NBEAL1: variants seen among roughly 807,000 people sequenced by gnomAD.
NBEAL1 encodes neurobeachin-like protein 1.
Under a neutral mutation model 351.3 loss-of-function variants are expected in NBEAL1, and 273 were observed. The ratio of observed to expected loss-of-function variants is 0.78; its 90% CI spans 0.70 to 0.86. The LOEUF (loss-of-function observed/expected upper bound fraction) is 0.86, where lower values mean the gene tolerates loss of function less well. NBEAL1 is among the 40% of genes least tolerant of loss of function. The pLI is 0.00. For missense variants in NBEAL1, 2,961 were observed against 3,201.3 expected (o/e 0.92, Z 1.81); for synonymous variants, 1,050 against 1,086.4 (o/e 0.97, Z 0.66).
chr2:203,126,893 A>G lies in NBEAL1; in HGVS notation c.3215A>G (p.Gln1072Arg). The G allele has an allele frequency of 1.3e-6, 2 of 1,552,196 alleles. No homozygotes were observed. The highest frequency in any genetic ancestry group is 1.7e-6 in the Non-Finnish European group (2 of 1,146,672). The change falls in exon 23 of 56, where the codon CAG becomes CGG. Residue 1072 changes from glutamine to arginine, a missense_variant. Gln to Arg is a conservative substitution (Grantham distance 43, BLOSUM62 1). Coordinates refer to ENST00000683969, the MANE Select transcript of NBEAL1 (RefSeq NM_001378026.1). ...GTTTTCCGAAAGAAGTATGGTGTGC[A>G]GTTTCTCCTAGATACACTTAGGATT... ...RRVFRKKYGV[Q>R]FLLDTLRIYY...
At chr2:203,048,113 G>T (rs2061260390) in intron 3 of NBEAL1, among the ~76,000 whole-genome samples, 1 of 151,992 alleles carries the variant, frequency 6.6e-6, no homozygotes, top group Non-Finnish European at 1.5e-5. Context: ...AGATATCCAT[G>T]CTTTGAGCTG....
chr2:203,170,815 C>T (rs1179322591), intron 39 of NBEAL1, among the ~76,000 whole-genome samples: 1 of 152,176 alleles, frequency 6.6e-6, no homozygotes, highest in Admixed American at 6.6e-5. Context: ...CACTCAAGAA[C>T]AATTGGGCTA....
intron 3 of NBEAL1, among the ~76,000 whole-genome samples, chr2:203,044,486 A>G (rs909064905): frequency 5.3e-5 from 8 of 152,192 alleles, no homozygotes; most frequent in African/African-American, 1.9e-4. Context: ...AGTTGTTATC[A>G]TCCATACATT....
Position 203,135,795 on chromosome 2 carries a change from T to C in NBEAL1, c.3932T>C (p.Leu1311Pro). The change falls in exon 28 of 56, where the codon CTT (leucine) becomes CCT (proline). Residue 1311 changes from leucine to proline, a missense_variant. Coordinates refer to ENST00000683969, the MANE Select transcript of NBEAL1 (RefSeq NM_001378026.1). ...GCAAAATTTGAAAACGGAAATACTC[T>C]TCATAAGCACAGTAGAGCTGTTTTA... ...LKAKFENGNT[L>P]HKHSRAVLMK... 1 of 1,612,866 alleles carries C rather than the reference T, an allele frequency of 6.2e-7. No individual in the cohort carries two copies. Among genetic ancestry groups the C allele is most frequent in the Non-Finnish European group, 8.5e-7 (1 of 1,179,366 alleles).
intron 41 of NBEAL1, among the ~76,000 whole-genome samples, chr2:203,174,008 T>C (rs1359045948): frequency 1.3e-5 from 2 of 152,016 alleles, no homozygotes; most frequent in Non-Finnish European, 2.9e-5. Flanking sequence ...CAATTATGCA[T>C]GTATCAGTGA....
chr2:203,219,083 T>C lies in NBEAL1; in HGVS notation c.*1729T>C, dbSNP rs2065926647. On this transcript the variant is annotated 3_prime_UTR_variant, in exon 56 of 56. Transcript: ENST00000683969. ...ATCTATTCATTTATTTTATTCTTTT[T>C]TGGGGTGATGGGAGGTTTCAATCCA... is the stretch of plus-strand genomic sequence containing the variant. 1 of 152,172 alleles carries C rather than the reference T, an allele frequency of 6.6e-6. No homozygotes were observed. The highest frequency in any genetic ancestry group is 6.5e-5 in the Admixed American group (1 of 15,282). 9.4% of individuals were successfully genotyped at this position (152,172 alleles called of 1,614,324 possible).
intron 10 of NBEAL1, among the ~76,000 whole-genome samples, chr2:203,090,806 T>C (rs2062049060): frequency 6.6e-6 from 1 of 152,036 alleles, no homozygotes; most frequent in Non-Finnish European, 1.5e-5. Context: ...AGAGAATTGC[T>C]TGAACCCCGG....
intron 31 of NBEAL1, among the ~76,000 whole-genome samples, chr2:203,142,725 C>CA (rs1215522033): frequency 4.0e-5 from 6 of 150,764 alleles, no homozygotes; most frequent in Non-Finnish European, 5.9e-5. Flanking sequence ...AAACACATAC[C>CA]AAAAAAAAGC....
chr2:203,204,412 C>T (rs564598312), intron 51 of NBEAL1, among the ~76,000 whole-genome samples: 2 of 149,464 alleles, frequency 1.3e-5, no homozygotes, highest in East Asian at 3.9e-4. Flanking sequence ...CTCACTGCAG[C>T]CTTGACCTCC....
At chr2:203,087,643 C>T (rs890962083) in intron 10 of NBEAL1, among the ~76,000 whole-genome samples, 3 of 152,132 alleles carry the variant, frequency 2.0e-5, no homozygotes, top group African/African-American at 7.2e-5. Flanking sequence ...AATCTATCTC[C>T]TTGATGCTTT....
At chr2:203,039,987 T>A in intron 2 of NBEAL1, 1 of 547,488 alleles carries the variant, frequency 1.8e-6, no homozygotes, top group Non-Finnish European at 3.2e-6. Flanking sequence ...TAAGGTAAGG[T>A]AAAGGGGTGG....
intron 31 of NBEAL1, among the ~76,000 whole-genome samples, chr2:203,141,285 G>A (rs2063360203): frequency 7.0e-6 from 1 of 141,920 alleles, no homozygotes; most frequent in African/African-American, 2.6e-5. Flanking sequence ...AGTATTCAGT[G>A]CCCATTCCAT....
At chr2:203,033,679 A>T (rs1230228286) in intron 2 of NBEAL1, among the ~76,000 whole-genome samples, 1 of 152,170 alleles carries the variant, frequency 6.6e-6, no homozygotes, top group Non-Finnish European at 1.5e-5. Flanking sequence ...TTTTTAAAAA[A>T]CTTTTCCAAT....
At chr2:203,123,221 G>A (rs2106275877) in intron 19 of NBEAL1, among the ~76,000 whole-genome samples, 1 of 150,798 alleles carries the variant, frequency 6.6e-6, no homozygotes, top group South Asian at 2.1e-4. Flanking sequence ...AGATAATTTT[G>A]CCTATGTAGA....
chr2:203,192,407 G>A (rs1385472312), intron 46 of NBEAL1, among the ~76,000 whole-genome samples: 26 of 149,638 alleles, frequency 1.7e-4, no homozygotes, highest in South Asian at 1.3e-3. Context: ...TTTTTGAGAG[G>A]GAGTTTTGCC....
intron 2 of NBEAL1, among the ~76,000 whole-genome samples, chr2:203,029,110 T>A (rs1240019817): frequency 6.6e-6 from 1 of 152,160 alleles, no homozygotes; most frequent in Non-Finnish European, 1.5e-5. Flanking sequence ...CTCAGTCTCC[T>A]GAGTAGCTGT....
At chr2:203,190,184 ACACACACACACACACACAC>A (rs2065028807) in intron 45 of NBEAL1, 89 bp from the exon 46 acceptor site, 3 of 627,780 alleles carry the variant, frequency 4.8e-6, no homozygotes, top group African/African-American at 3.7e-5. Flanking sequence ...ACACACACAC[ACACACACACACACACACAC>A]ACACACCAAT....
chr2:203,194,922 G>A (rs183734180), intron 47 of NBEAL1, among the ~76,000 whole-genome samples: 113 of 152,286 alleles, frequency 7.4e-4, no homozygotes, highest in African/African-American at 2.6e-3. Flanking sequence ...CTTTGGCCGG[G>A]CGCAGTGGCT....
chr2:203,046,429 A>G (rs201339272), intron 3 of NBEAL1, among the ~76,000 whole-genome samples: 1 of 151,940 alleles, frequency 6.6e-6, no homozygotes, highest in Non-Finnish European at 1.5e-5. Context: ...GTGTTAGCCA[A>G]GATGGTCTCC....
Sources: gnomAD v4.1 joint callset for allele counts (sites outside exome capture counted in the v4.1 genomes callset) on GRCh38, gnomAD v4.1.1 for gene constraint, MANE v1.5 for transcripts, NCBI Gene and HGNC (gene_info 2026-07-23, HGNC 2026-07-21) for gene names.